The following XRCC4 variants were observed in gnomAD, a reference collection of about 807,000 sequenced individuals.
XRCC4 encodes the protein DNA repair protein XRCC4.
Under a neutral mutation model 39.1 loss-of-function variants are expected in XRCC4, and 28 were observed. That is an observed-to-expected ratio of 0.72 (90% CI 0.53 to 0.98). The LOEUF (loss-of-function observed/expected upper bound fraction) is 0.98. Among genes scored for constraint, XRCC4 ranks in the 50% least tolerant of loss-of-function variants. The pLI is 0.00. For synonymous variants in XRCC4, 123 were observed against 126.4 expected (o/e 0.97, Z 0.18); for missense variants, 350 against 376.4 (o/e 0.93, Z 0.58).
At chr5:83,125,358 A>G (rs1032176223) in intron 3 of XRCC4, among the ~76,000 whole-genome samples, 2 of 152,084 alleles carry the variant, frequency 1.3e-5, no homozygotes, top group African/African-American at 2.4e-5. Flanking sequence ...TCTTCCCTTA[A>G]CCCTATGTCA....
intron 3 of XRCC4, among the ~76,000 whole-genome samples, chr5:83,138,759 A>C (rs747514207): frequency 1.4e-4 from 22 of 152,088 alleles, no homozygotes; most frequent in Non-Finnish European, 1.9e-4. Context: ...TAAGAATGTG[A>C]TATTTTTAGC....
At chr5:83,357,165 A>T (rs1757199074), downstream of XRCC4, among the ~76,000 whole-genome samples, 1 of 152,226 alleles carries the variant, frequency 6.6e-6, no homozygotes, top group Non-Finnish European at 1.5e-5. Flanking sequence ...GGATAAATCG[A>T]TCCTTTCAAC....
chr5:83,316,435 A>G (rs1755885716), intron 7 of XRCC4, among the ~76,000 whole-genome samples: 1 of 151,370 alleles, frequency 6.6e-6, no homozygotes, highest in Admixed American at 6.6e-5. Context: ...AAGACCCATC[A>G]GTGTGCTGTA....
At chr5:83,152,632 C>CAAAAAAAAAAAAAAAAAAAAAAAAAAAA (rs59213558) in intron 3 of XRCC4, among the ~76,000 whole-genome samples, 1 of 112,342 alleles carries the variant, frequency 8.9e-6, no homozygotes, top group Admixed American at 1.0e-4. Context: ...GATCCTGTCT[C>CAAAAAAAAAAAAAAAAAAAAAAAAAAAA]AAAAAAAAAA....
intron 3 of XRCC4, among the ~76,000 whole-genome samples, chr5:83,117,629 ATATGTGTG>A (rs1418404705): frequency 2.3e-4 from 32 of 138,004 alleles, no homozygotes; most frequent in East Asian, 4.8e-4. Flanking sequence ...AGCTACATAT[ATATGTGTG>A]TGTGTGTGTG....
rs545670116 is a variant in XRCC4 at position 83,111,069 on chromosome 5, A to G, written c.181A>G (p.Met61Val). The change falls in exon 3 of 8, where the codon ATG becomes GTG. Residue 61 changes from methionine to valine, a missense_variant. Physicochemically the swap from Met to Val is conservative, Grantham distance 21. Coordinates refer to ENST00000396027, the MANE Select transcript of XRCC4 (RefSeq NM_003401.5). The part of the protein sequence containing the change: ...EISQEADDMA[M>V]EKGKYVGELR... ...TTCCCAAGAAGCTGATGACATGGCAATGGAAAAAGGGAAATATGTTGGTGA... is the reference window on the plus strand; with the variant it reads ...TTCCCAAGAAGCTGATGACATGGCAGTGGAAAAAGGGAAATATGTTGGTGA... 1.5e-5 allele frequency: 24 copies of G among 1,611,500 alleles called. No homozygotes were observed. Among genetic ancestry groups the G allele is most frequent in the Non-Finnish European group, 2.0e-5 (23 of 1,178,926 alleles).
intron 1 of XRCC4, among the ~76,000 whole-genome samples, chr5:83,090,202 T>G (rs1745357736): frequency 6.6e-6 from 1 of 152,152 alleles, no homozygotes; most frequent in Non-Finnish European, 1.5e-5. Context: ...TTTCCCCATG[T>G]AAATCTGATC....
At chr5:83,374,443 G>T in the XRCC4 span, among the ~76,000 whole-genome samples, 2 of 152,142 alleles carry the variant, frequency 1.3e-5, no homozygotes, top group Non-Finnish European at 2.9e-5. Context: ...GGAACCCTGA[G>T]TCAATTAAAC....
chr5:83,189,318 C>G (rs1184503182), intron 3 of XRCC4, among the ~76,000 whole-genome samples: 1 of 151,900 alleles, frequency 6.6e-6, no homozygotes, highest in African/African-American at 2.4e-5. Context: ...TCTCTGATTC[C>G]CACTATGACT....
chr5:83,098,645 G>A (rs1158844987), intron 1 of XRCC4, among the ~76,000 whole-genome samples: 1 of 151,852 alleles, frequency 6.6e-6, no homozygotes, highest in Non-Finnish European at 1.5e-5. Flanking sequence ...AAATTTAAAG[G>A]CAAACTGACT....
chr5:83,203,489 C>A, intron 4 of XRCC4, 63 bp from the exon 5 acceptor site: 1 of 1,335,482 alleles, frequency 7.5e-7, no homozygotes, highest in Non-Finnish European at 1.0e-6. Context: ...GATTATTAGG[C>A]TGAATTATGT....
chr5:83,252,178 G>A (rs762827122), intron 6 of XRCC4, among the ~76,000 whole-genome samples: 5 of 152,128 alleles, frequency 3.3e-5, no homozygotes, highest in Non-Finnish European at 7.4e-5. Context: ...TTGGTTGGTT[G>A]TTTTCTCTTG....
chr5:83,338,193 C>T (rs1229369284), intron 7 of XRCC4, among the ~76,000 whole-genome samples: 1 of 152,076 alleles, frequency 6.6e-6, no homozygotes, highest in Admixed American at 6.6e-5. Context: ...TCAGCTGTAG[C>T]CTTGTAGGAC....
chr5:83,113,702 C>A (rs1746560590), intron 3 of XRCC4, among the ~76,000 whole-genome samples: 1 of 152,030 alleles, frequency 6.6e-6, no homozygotes, highest in Non-Finnish European at 1.5e-5. Context: ...TCTCCACTCA[C>A]TGCAAGCTCC....
chr5:83,082,428 A>C (rs1744986333), intron 1 of XRCC4, among the ~76,000 whole-genome samples: 1 of 152,198 alleles, frequency 6.6e-6, no homozygotes, highest in Non-Finnish European at 1.5e-5. Context: ...GTGGTAGTAT[A>C]AGATGTTAAT....
At chr5:83,356,093 AAC>A (rs1491308771), downstream of XRCC4, among the ~76,000 whole-genome samples, 167 of 137,642 alleles carry the variant, frequency 1.2e-3, 3 homozygotes, top group African/African-American at 4.9e-3. Flanking sequence ...AAAGGAAAAA[AAC>A]TTTTAAATAT....
intron 3 of XRCC4, among the ~76,000 whole-genome samples, chr5:83,195,058 T>C (rs1052163134): frequency 5.9e-5 from 9 of 152,160 alleles, no homozygotes; most frequent in Non-Finnish European, 1.0e-4. Flanking sequence ...TACTAATCAT[T>C]GTGTTTCGGC....
Position 83,172,865 on chromosome 5 carries a change from GT to G in XRCC4, c.316-22900del, listed in dbSNP as rs568557149. On this transcript the variant is annotated intron_variant, in intron 3 of 7. Transcript: ENST00000396027. Reference sequence around the variant, plus strand: ...GTGAACAAGTTCTTTCTGTGATCCTGTTTTTGTGTTGTGTCTCACAAATTCA... The same window carrying G: ...GTGAACAAGTTCTTTCTGTGATCCTGTTTTGTGTTGTGTCTCACAAATTCA... 1.1e-3 allele frequency among the ~76,000 whole-genome samples: 169 copies of G among 152,190 alleles called. 2 individuals are homozygous for G. The highest frequency in any genetic ancestry group is 6.9e-3 in the Middle Eastern group (2 of 290).
chr5:83,303,431 C>A (rs1045880573), intron 7 of XRCC4, among the ~76,000 whole-genome samples: 11 of 151,920 alleles, frequency 7.2e-5, no homozygotes, highest in Non-Finnish European at 1.5e-4. Flanking sequence ...AGTGTGGGAG[C>A]CATCACATAA....
Sources: gnomAD v4.1 joint callset for allele counts (sites outside exome capture counted in the v4.1 genomes callset) on GRCh38, gnomAD v4.1.1 for gene constraint, MANE v1.5 for transcripts, NCBI Gene and HGNC (gene_info 2026-07-23, HGNC 2026-07-21) for gene names.